Variants in GRM5 observed in about 807,000 individuals in gnomAD.
GRM5 encodes the protein metabotropic glutamate receptor 5.
GRM5 carries 19 observed loss-of-function variants against 83.1 expected under a neutral mutation model. The observed-to-expected ratio is 0.23, with a 90% CI of 0.16 to 0.34. The LOEUF is 0.34. Ranked by LOEUF, GRM5 falls within the 10% of genes least tolerant of loss-of-function variation. The probability of loss-of-function intolerance (pLI) is 1.00; values close to 1 mark genes in which losing one functional copy is unlikely to be tolerated. For missense variants in GRM5, 1,160 were observed against 1,588.3 expected, an observed-to-expected ratio of 0.73 and a Z score of 4.58; for synonymous variants, 675 against 633.6, an observed-to-expected ratio of 1.07 and a Z score of -0.98.
chr11:88,839,065 C>G (rs1565255713), intron 3 of GRM5, among the ~76,000 whole-genome samples: 1 of 152,148 alleles, frequency 6.6e-6, no homozygotes, highest in Admixed American at 6.6e-5. Flanking sequence ...TTTCCTCCAC[C>G]TGGACTTTAA....
intron 3 of GRM5, among the ~76,000 whole-genome samples, chr11:88,784,389 TCTCA>T (rs1943027303): frequency 6.6e-6 from 1 of 152,106 alleles, no homozygotes; most frequent in African/African-American, 2.4e-5. Context: ...AATACACTCT[TCTCA>T]CTGAGTTTAC....
At chr11:89,058,074 T>G (rs2135167816) in intron 1 of GRM5, among the ~76,000 whole-genome samples, 1 of 151,904 alleles carries the variant, frequency 6.6e-6, no homozygotes, top group East Asian at 1.9e-4. Context: ...AATAATGAGG[T>G]CTCCCCACAA....
chr11:88,669,129 G>T (rs1180972459), intron 3 of GRM5, among the ~76,000 whole-genome samples: 2 of 152,110 alleles, frequency 1.3e-5, no homozygotes, highest in Admixed American at 1.3e-4. Flanking sequence ...TCAAGATGTA[G>T]ATACACCCTA....
intron 2 of GRM5, among the ~76,000 whole-genome samples, chr11:88,940,646 C>T (rs997412203): frequency 1.3e-5 from 2 of 151,564 alleles, no homozygotes; most frequent in Non-Finnish European, 2.9e-5. Context: ...TCAAGTAACT[C>T]TGAAATACAT....
intron 3 of GRM5, among the ~76,000 whole-genome samples, chr11:88,849,165 A>C (rs1164351162): frequency 6.6e-6 from 1 of 152,086 alleles, no homozygotes; most frequent in East Asian, 1.9e-4. Context: ...ATACACACAC[A>C]CATATGTATA....
chr11:89,021,622 A>C (rs982250340), intron 2 of GRM5, among the ~76,000 whole-genome samples: 4 of 152,294 alleles, frequency 2.6e-5, no homozygotes, highest in Non-Finnish European at 4.4e-5. Context: ...CCCTTGAAAA[A>C]ACTGGAGACA....
intron 3 of GRM5, among the ~76,000 whole-genome samples, chr11:88,806,357 G>A (rs541554392): frequency 2.6e-5 from 4 of 152,200 alleles, no homozygotes; most frequent in Non-Finnish European, 5.9e-5. Context: ...TAAAGATATG[G>A]TGTGTTCTTT....
At chr11:88,987,133 C>A (rs1168551966) in intron 2 of GRM5, among the ~76,000 whole-genome samples, 1 of 151,606 alleles carries the variant, frequency 6.6e-6, no homozygotes, top group Non-Finnish European at 1.5e-5. Flanking sequence ...AGACAGTGGG[C>A]GCAGGTCAGT....
At chr11:88,685,005 T>C (rs1940583714) in intron 3 of GRM5, among the ~76,000 whole-genome samples, 1 of 152,192 alleles carries the variant, frequency 6.6e-6, no homozygotes, top group African/African-American at 2.4e-5. Context: ...ACTGAAAAGA[T>C]ACCTGAACAT....
In GRM5 at chr11:88,597,177, AT is replaced by A; in HGVS notation, c.1563+6del. 2 of 1,524,712 alleles carry A rather than the reference AT, an allele frequency of 1.3e-6. No homozygotes were observed. Among genetic ancestry groups the A allele is most frequent in the Non-Finnish European group, 8.8e-7 (1 of 1,133,772 alleles). 94.4% of individuals were successfully genotyped at this position (1,524,712 alleles called of 1,614,324 possible). ...CAAAAATGAAAGAAACATAGATTCC[AT>A]TTTACCTTGATCTGGCCTTTCTCAC... On this transcript the variant is annotated splice_donor_region_variant and intron_variant, in intron 6 of 9. Coordinates refer to ENST00000305447, the MANE Select transcript of GRM5 (RefSeq NM_001143831.3).
At chr11:88,687,076 C>T (rs1210663919) in intron 3 of GRM5, among the ~76,000 whole-genome samples, 1 of 152,096 alleles carries the variant, frequency 6.6e-6, no homozygotes, top group Non-Finnish European at 1.5e-5. Flanking sequence ...CTATTTCCTC[C>T]CCAAAGCCTT....
intron 7 of GRM5, among the ~76,000 whole-genome samples, chr11:88,580,984 T>C (rs1368638489): frequency 6.6e-6 from 1 of 152,166 alleles, no homozygotes; most frequent in Non-Finnish European, 1.5e-5. Flanking sequence ...GGCATGCGCC[T>C]GTAGTCACAG....
intron 4 of GRM5, among the ~76,000 whole-genome samples, chr11:88,636,789 C>A (rs1251049681): frequency 6.6e-6 from 1 of 152,112 alleles, no homozygotes; most frequent in Non-Finnish European, 1.5e-5. Context: ...GTTTTCCCAG[C>A]ACCATTTATT....
chr11:88,537,787 T>C (rs1942169242), intron 8 of GRM5, among the ~76,000 whole-genome samples: 1 of 152,152 alleles, frequency 6.6e-6, no homozygotes, highest in Admixed American at 6.6e-5. Context: ...AATGTCAACT[T>C]GATTCCTTCA....
intron 8 of GRM5, among the ~76,000 whole-genome samples, chr11:88,549,608 C>T (rs1942459518): frequency 6.6e-6 from 1 of 151,914 alleles, no homozygotes; most frequent in African/African-American, 2.4e-5. Context: ...GTATGGTATA[C>T]ATTTTATATA....
intron 2 of GRM5, among the ~76,000 whole-genome samples, chr11:89,009,918 A>AAAAAAAAAAAAAAAAC (rs1940646121): frequency 7.3e-6 from 1 of 136,170 alleles, no homozygotes; most frequent in African/African-American, 3.2e-5. Context: ...AAAAAAAAAA[A>AAAAAAAAAAAAAAAAC]AAAAAAAAAA....
intron 3 of GRM5, among the ~76,000 whole-genome samples, chr11:88,682,550 C>A (rs1279915864): frequency 6.6e-6 from 1 of 151,958 alleles, no homozygotes; most frequent in African/African-American, 2.4e-5. Flanking sequence ...AGTTACTCAG[C>A]AACTGAAACA....
At chr11:88,584,641 G>T (rs1440796145) in intron 7 of GRM5, among the ~76,000 whole-genome samples, 3 of 152,004 alleles carry the variant, frequency 2.0e-5, no homozygotes, top group Non-Finnish European at 4.4e-5. Flanking sequence ...ACAAGGTTTT[G>T]CCATGTTGGC....
At chr11:88,511,156 C>T (rs308884) in intron 9 of GRM5, among the ~76,000 whole-genome samples, 33,978 of 152,104 alleles carry the variant, frequency 0.22, 3,987 homozygotes, top group African/African-American at 0.29. Flanking sequence ...AAATCTGAAG[C>T]ACTTTGTTTC....
Sources: allele counts gnomAD v4.1 joint callset (sites outside exome capture counted in the v4.1 genomes callset), GRCh38; gene constraint gnomAD v4.1.1; transcripts MANE v1.5; gene names NCBI Gene and HGNC (gene_info 2026-07-23, HGNC 2026-07-21).